The following PLXDC2 variants were observed in gnomAD, a reference collection of about 807,000 sequenced individuals.
PLXDC2 encodes plexin domain-containing protein 2.
In PLXDC2, 40 loss-of-function variants were observed where a neutral mutation model predicts 68.9. The observed-to-expected ratio is 0.58, with a 90% CI of 0.45 to 0.76. PLXDC2 has a LOEUF of 0.76. PLXDC2 is among the 30% of genes least tolerant of loss of function. The pLI is 0.00. For missense variants in PLXDC2, 644 were observed against 661.9 expected (o/e 0.97, Z 0.30); for synonymous variants, 243 against 234.2 (o/e 1.04, Z -0.34).
chr10:20,241,716 C>T (rs1345166700), intron 12 of PLXDC2, among the ~76,000 whole-genome samples: 1 of 152,124 alleles, frequency 6.6e-6, no homozygotes. Context: ...GAGTTCGAAG[C>T]TGCAGTGAGT....
In PLXDC2 at chr10:20,164,539, C is replaced by T. The variant is rs927570708; in HGVS notation, c.855C>T (p.Val285=). The stretch of plus-strand genomic sequence containing the variant: ...AAGTCGGACTGTCCGATGCATTTGT[C>T]GTTGTCCACAGGATCCAACAAATTC... ...PVKVGLSDAF[V]VVHRIQQIPN... is the part of the protein sequence containing the mutation. The change falls in exon 7 of 14, where the codon GTC becomes GTT. Residue 285 remains valine, a synonymous_variant. Transcript: ENST00000377252. 9 of 1,613,252 alleles carry T rather than the reference C, an allele frequency of 5.6e-6. No individual in the cohort carries two copies. Among genetic ancestry groups the T allele is most frequent in the African/African-American group, 4.0e-5 (3 of 74,990 alleles).
intron 2 of PLXDC2, among the ~76,000 whole-genome samples, chr10:20,005,597 T>C (rs964491716): frequency 2.6e-5 from 4 of 152,062 alleles, no homozygotes; most frequent in Non-Finnish European, 5.9e-5. Flanking sequence ...TGGTGTGGCC[T>C]CAGGAAGGTT....
intron 4 of PLXDC2, among the ~76,000 whole-genome samples, chr10:20,132,136 C>G (rs535838749): frequency 2.0e-5 from 3 of 152,276 alleles, no homozygotes; most frequent in East Asian, 1.9e-4. Flanking sequence ...ATTTAATTTT[C>G]ACATATTTGC....
At chr10:19,856,381 C>CACAG (rs1837214270) in intron 1 of PLXDC2, among the ~76,000 whole-genome samples, 1 of 61,720 alleles carries the variant, frequency 1.6e-5, no homozygotes, top group South Asian at 3.8e-4. Flanking sequence ...CACACACAGA[C>CACAG]ACACACACAC....
chr10:20,217,596 CTTTTTTTT>C lies in PLXDC2; in HGVS notation c.1273+41_1273+48del, dbSNP rs66483508. The C allele has an allele frequency of 1.8e-3, 1,401 of 783,582 alleles. No homozygotes were observed. Among genetic ancestry groups the C allele is most frequent in the East Asian group, 3.7e-3 (43 of 11,620 alleles). The allele number at this position is 783,582 out of a possible 1,614,324, so 48.5% of individuals were successfully genotyped here. On this transcript the variant is annotated intron_variant, in intron 11 of 13. Transcript: ENST00000377252. ...CAGAAGGTACCCAAGAGATAGTTTG[CTTTTTTTT>C]TTTTTTTTTTTTTTTTTTTTCCCTG... is the stretch of plus-strand genomic sequence containing the variant.
At chr10:19,999,882 T>A (rs1464900773) in intron 1 of PLXDC2, among the ~76,000 whole-genome samples, 3 of 152,230 alleles carry the variant, frequency 2.0e-5, no homozygotes, top group Admixed American at 1.3e-4. Flanking sequence ...GCAGGCAGGA[T>A]ATTTTCATTC....
intron 1 of PLXDC2, among the ~76,000 whole-genome samples, chr10:19,901,911 G>T: frequency 6.6e-6 from 1 of 152,054 alleles, no homozygotes; most frequent in East Asian, 1.9e-4. Context: ...AATTATCCCA[G>T]CACCATTTGT....
chr10:20,163,509 A>G (rs1834334175), intron 6 of PLXDC2, among the ~76,000 whole-genome samples: 1 of 152,082 alleles, frequency 6.6e-6, no homozygotes. Context: ...ACACAGCAAT[A>G]TCTGATCTAA....
chr10:20,233,987 C>CTTTTTTTTT (rs113028024), intron 12 of PLXDC2, among the ~76,000 whole-genome samples: 1 of 144,910 alleles, frequency 6.9e-6, no homozygotes. Context: ...TGCCCACCTA[C>CTTTTTTTTT]TTTTTTTTTT....
intron 4 of PLXDC2, among the ~76,000 whole-genome samples, chr10:20,078,485 G>T (rs936188448): frequency 6.6e-6 from 1 of 152,108 alleles, no homozygotes; most frequent in African/African-American, 2.4e-5. Context: ...TGGAACATTA[G>T]GTATGTAAAA....
chr10:19,984,429 T>C (rs1393723479), intron 1 of PLXDC2, among the ~76,000 whole-genome samples: 2 of 152,228 alleles, frequency 1.3e-5, no homozygotes, highest in African/African-American at 4.8e-5. Flanking sequence ...TTTTCCTTTC[T>C]TTATTCACAT....
chr10:20,074,522 G>A (rs1836401789), intron 4 of PLXDC2, among the ~76,000 whole-genome samples: 1 of 151,776 alleles, frequency 6.6e-6, no homozygotes, highest in Non-Finnish European at 1.5e-5. Context: ...CTTTTTTTCT[G>A]TTTAAATTCC....
chr10:20,154,862 A>G (rs1051024811), intron 6 of PLXDC2, among the ~76,000 whole-genome samples: 1 of 151,992 alleles, frequency 6.6e-6, no homozygotes, highest in African/African-American at 2.4e-5. Flanking sequence ...TAAAAATGTC[A>G]TATAATCCTA....
intron 6 of PLXDC2, among the ~76,000 whole-genome samples, chr10:20,159,868 G>A (rs1834267857): frequency 1.3e-5 from 2 of 152,114 alleles, no homozygotes; most frequent in Admixed American, 6.6e-5. Context: ...AGTTTCTGCT[G>A]AAAAATCACC....
chr10:19,910,635 C>CA (rs1375243040), intron 1 of PLXDC2, among the ~76,000 whole-genome samples: 1 of 127,338 alleles, frequency 7.9e-6, no homozygotes, highest in Non-Finnish European at 1.6e-5. Context: ...TTAGAAGAGG[C>CA]ACAGGAATGT....
intron 1 of PLXDC2, among the ~76,000 whole-genome samples, chr10:19,935,755 T>C (rs1382521620): frequency 6.6e-6 from 1 of 152,202 alleles, no homozygotes; most frequent in Non-Finnish European, 1.5e-5. Flanking sequence ...AACAGAGTCA[T>C]AAATGCCACT....
chr10:19,890,528 T>G (rs1438018237), intron 1 of PLXDC2, among the ~76,000 whole-genome samples: 3 of 145,706 alleles, frequency 2.1e-5, no homozygotes, highest in Non-Finnish European at 4.5e-5. Context: ...CTGCTTTTTT[T>G]TTTCTGAGAC....
At chr10:20,202,282 T>C (rs1834931031) in intron 9 of PLXDC2, among the ~76,000 whole-genome samples, 1 of 152,142 alleles carries the variant, frequency 6.6e-6, no homozygotes, top group Non-Finnish European at 1.5e-5. Flanking sequence ...TTAAATATAC[T>C]TGCTACTATG....
At position 20,280,081 on chromosome 10, in the gene PLXDC2, G is replaced by A. The variant is rs928160327; in HGVS notation, c.*262G>A. 2 of 367,170 alleles carry A rather than the reference G, an allele frequency of 5.4e-6. No homozygotes were observed. Among genetic ancestry groups the A allele is most frequent in the African/African-American group, 2.1e-5 (1 of 48,174 alleles). 22.7% of individuals were successfully genotyped at this position (367,170 alleles called of 1,614,324 possible). A position where few individuals can be genotyped will look rare whatever the true frequency, so the allele number is the denominator to read the frequency against. ...CTATAGTTCACTCGGAACATCTCCC[G>A]TGGACTTATCTGAAGTATGACAAGA... On this transcript the variant is annotated 3_prime_UTR_variant, in exon 14 of 14. Coordinates refer to ENST00000377252, the MANE Select transcript of PLXDC2 (RefSeq NM_032812.9).
Sources: allele counts gnomAD v4.1 joint callset (sites outside exome capture counted in the v4.1 genomes callset), GRCh38; gene constraint gnomAD v4.1.1; transcripts MANE v1.5; gene names NCBI Gene and HGNC (gene_info 2026-07-23, HGNC 2026-07-21).